Variants in PRPF6 observed in about 807,000 individuals in gnomAD.
PRPF6 encodes the protein pre-mRNA-processing factor 6.
Under a neutral mutation model 118.3 loss-of-function variants are expected in PRPF6, and 42 were observed. The ratio of observed to expected loss-of-function variants is 0.35; its 90% CI spans 0.28 to 0.46. The LOEUF is 0.46. Among genes scored for constraint, PRPF6 ranks in the 20% least tolerant of loss-of-function variants. PRPF6 has a pLI of 1.00. For synonymous variants in PRPF6, 481 were observed against 485.1 expected, an observed-to-expected ratio of 0.99 and a Z score of 0.11; for missense variants, 662 against 1,255.7, an observed-to-expected ratio of 0.53 and a Z score of 7.15.
intron 9 of PRPF6, among the ~76,000 whole-genome samples, chr20:64,008,505 C>T (rs1033125463): frequency 1.3e-5 from 2 of 152,062 alleles, no homozygotes; most frequent in Non-Finnish European, 2.9e-5. Flanking sequence ...GCTCAGTGGC[C>T]CCAGTGTCCT....
At position 64,022,847 on chromosome 20, in the gene PRPF6, G is replaced by T. The variant is rs780738225; in HGVS notation, c.1738G>T (p.Ala580Ser). The change falls in exon 13 of 21, where the codon GCC becomes TCC. Residue 580 changes from alanine (A) to serine (S), a missense_variant. By Grantham distance (99) the Ala-to-Ser change is moderately conservative. Transcript: ENST00000266079. ...FPSKKSVWLR[A>S]AYFEKNHGTR... ...CAGCAAGAAGAGTGTGTGGCTGCGC[G>T]CCGCGTACTTCGAGAAGAACCATGG... 6.2e-7 allele frequency: 1 copy of T among 1,614,054 alleles called. No individual in the cohort carries two copies. Among genetic ancestry groups the T allele is most frequent in the East Asian group, 2.2e-5 (1 of 44,884 alleles).
At chr20:64,022,312 C>T (rs816929) in intron 12 of PRPF6, among the ~76,000 whole-genome samples, 9,577 of 152,000 alleles carry the variant, frequency 0.063, 320 homozygotes, top group Middle Eastern at 0.12. Context: ...GTTCTACTTT[C>T]TTTCTGGAGG....
At position 64,027,222 on chromosome 20, in the gene PRPF6, G is replaced by T. The variant is rs2059295097; in HGVS notation, c.2205+64G>T. 1.3e-6 allele frequency: 2 copies of T among 1,590,218 alleles called. No individual in the cohort carries two copies. Among genetic ancestry groups the T allele is most frequent in the South Asian group, 2.2e-5 (2 of 89,494 alleles). On this transcript the variant is annotated intron_variant, in intron 16 of 20. Transcript: ENST00000266079. This position sits in a 1 kb window ranked among gnomAD's most constrained non-coding sequence, Gnocchi z 6.5. Reference sequence around the variant, plus strand: ...GGCATTCACAAAACTGAGCCCCCTGGTGCAGGGTCATTGCCCTTCGCCTCT... The same window carrying T: ...GGCATTCACAAAACTGAGCCCCCTGTTGCAGGGTCATTGCCCTTCGCCTCT...
chr20:64,000,858 C>T (rs1601517702), intron 8 of PRPF6, among the ~76,000 whole-genome samples: 2 of 152,164 alleles, frequency 1.3e-5, no homozygotes, highest in Non-Finnish European at 2.9e-5. Context: ...TGAGCCACCG[C>T]GCCCGGCCAT....
chr20:63,982,547 G>T (rs924337527), intron 1 of PRPF6, among the ~76,000 whole-genome samples: 10 of 152,232 alleles, frequency 6.6e-5, no homozygotes, highest in African/African-American at 2.4e-4. Context: ...AAGGCTAAAG[G>T]CAGGGAGAGG....
intron 9 of PRPF6, among the ~76,000 whole-genome samples, chr20:64,004,806 A>G (rs2059182498): frequency 2.6e-5 from 4 of 152,202 alleles, no homozygotes; most frequent in Admixed American, 1.3e-4. Flanking sequence ...CTCCCCTACA[A>G]TAATGCACTC....
chr20:64,018,833 C>G (rs2059250737), intron 12 of PRPF6, among the ~76,000 whole-genome samples: 1 of 152,148 alleles, frequency 6.6e-6, no homozygotes, highest in African/African-American at 2.4e-5. Flanking sequence ...TAACGAAGAG[C>G]TTCACTTTCT....
rs983211445 is a variant in PRPF6 at position 64,000,929 on chromosome 20, A to C, written c.1024-148A>C. The C allele has an allele frequency of 3.9e-6, 3 of 769,426 alleles. No individual in the cohort carries two copies. In the African/African-American group the frequency reaches 5.2e-5, roughly 13 times the overall value. The allele number at this position is 769,426 out of a possible 1,614,324, so 47.7% of individuals were successfully genotyped here. On this transcript the variant is annotated intron_variant, in intron 8 of 20. Transcript: ENST00000266079. ...TCCCAAGTGTGGTTATAAGGGGGCG[A>C]CTCCTGGTGCAGGTGTGTTAGAGGC...
At chr20:64,014,496 G>A (rs1264255868) in intron 11 of PRPF6, among the ~76,000 whole-genome samples, 1 of 151,552 alleles carries the variant, frequency 6.6e-6, no homozygotes, top group Non-Finnish European at 1.5e-5. Context: ...CTCTACTAAA[G>A]ATACAAAAAA....
chr20:63,996,562 G>A (rs760576224), intron 6 of PRPF6, among the ~76,000 whole-genome samples: 4 of 152,154 alleles, frequency 2.6e-5, no homozygotes, highest in Non-Finnish European at 4.4e-5. Context: ...TGATCTGTCC[G>A]CGCTGGCCTC....
At chr20:63,984,814 T>C (rs549015784) in intron 2 of PRPF6, 93 bp from the exon 3 acceptor site, 2 of 918,108 alleles carry the variant, frequency 2.2e-6, no homozygotes, top group South Asian at 1.4e-5. Context: ...GAAAATAATT[T>C]AGCAAGTATT....
chr20:64,021,306 G>A (rs994551208), intron 12 of PRPF6, among the ~76,000 whole-genome samples: 6 of 150,972 alleles, frequency 4.0e-5, no homozygotes, highest in African/African-American at 9.8e-5. Flanking sequence ...GTGTGTGTGT[G>A]TGCATGTATG....
chr20:64,016,979 G>A, intron 12 of PRPF6, 134 bp downstream of exon 12: 1 of 1,288,014 alleles, frequency 7.8e-7, no homozygotes, highest in Non-Finnish European at 1.1e-6. Context: ...GTCTTGCTCT[G>A]TCGCCCAGGC....
chr20:63,985,452 C>A (rs1178707576), intron 3 of PRPF6, among the ~76,000 whole-genome samples: 1 of 152,122 alleles, frequency 6.6e-6, no homozygotes, highest in Non-Finnish European at 1.5e-5. Context: ...GGGTCTTGGT[C>A]TGTCGTAGCC....
chr20:63,991,891 A>G (rs1338706158), intron 3 of PRPF6, among the ~76,000 whole-genome samples: 1 of 152,212 alleles, frequency 6.6e-6, no homozygotes, highest in African/African-American at 2.4e-5. Flanking sequence ...ATATCCTCAC[A>G]TGTAGTCTCA....
chr20:64,031,419 A>G (rs1260749337), intron 19 of PRPF6, among the ~76,000 whole-genome samples: 2 of 152,174 alleles, frequency 1.3e-5, no homozygotes, highest in Non-Finnish European at 2.9e-5. Context: ...GCTCATGCCT[A>G]TAATCCCAGC....
At chr20:64,031,420 T>C (rs1232090523) in intron 19 of PRPF6, among the ~76,000 whole-genome samples, 5 of 152,190 alleles carry the variant, frequency 3.3e-5, no homozygotes, top group African/African-American at 9.6e-5. Flanking sequence ...CTCATGCCTA[T>C]AATCCCAGCA....
rs1476861493 is a variant in PRPF6, at chr20:64,026,805, AAAAC to A, written c.2029-173_2029-170del. On this transcript the variant is annotated intron_variant, in intron 15 of 20. Coordinates refer to ENST00000266079, the MANE Select transcript of PRPF6 (RefSeq NM_012469.4). This position sits in a 1 kb window ranked among gnomAD's most constrained non-coding sequence, Gnocchi z 4.4. ...ACAGAGCGAGACTCTATCTCAAAAA[AAAAC>A]AAAACAAAACAAAAACATATATTTA... 1.3e-5 allele frequency among the ~76,000 whole-genome samples: 2 copies of A among 152,174 alleles called. No homozygotes were observed. Among genetic ancestry groups the A allele is most frequent in the African/African-American group, 4.8e-5 (2 of 41,438 alleles).
At chr20:63,989,284 T>C (rs985642361) in intron 3 of PRPF6, among the ~76,000 whole-genome samples, 2 of 152,074 alleles carry the variant, frequency 1.3e-5, no homozygotes, top group Admixed American at 1.3e-4. Flanking sequence ...GAAGAAAACA[T>C]TGGAGAAACT....
Sources: gnomAD v4.1 joint callset for allele counts (sites outside exome capture counted in the v4.1 genomes callset) on GRCh38, gnomAD v4.1.1 for gene constraint, Gnocchi (gnomAD v3.1) non-coding constraint, MANE v1.5 for transcripts, NCBI Gene and HGNC (gene_info 2026-07-23, HGNC 2026-07-21) for gene names.